SHISA6: variants seen among roughly 807,000 people sequenced by gnomAD.
SHISA6 encodes the protein protein shisa-6.
Under a neutral mutation model 47.9 loss-of-function variants are expected in SHISA6, and 22 were observed. That is an observed-to-expected ratio of 0.46 (90% CI 0.33 to 0.66). The LOEUF is 0.66. SHISA6 is among the 30% of genes least tolerant of loss of function. The probability of loss-of-function intolerance (pLI) is 0.02; values close to 1 mark genes in which losing one functional copy is unlikely to be tolerated. For synonymous variants in SHISA6, 388 were observed against 337.8 expected, an observed-to-expected ratio of 1.15 and a Z score of -1.63; for missense variants, 680 against 764.6, an observed-to-expected ratio of 0.89 and a Z score of 1.30.
chr17:11,386,751 G>A (rs1913208377), intron 3 of SHISA6, among the ~76,000 whole-genome samples: 1 of 152,220 alleles, frequency 6.6e-6, no homozygotes, highest in African/African-American at 2.4e-5. Context: ...GGCCACATAT[G>A]ACAGATAGGC....
intron 1 of SHISA6, among the ~76,000 whole-genome samples, chr17:11,259,123 G>A (rs1908131690): frequency 6.6e-6 from 1 of 151,986 alleles, no homozygotes; most frequent in Admixed American, 6.6e-5. Context: ...GGAGGTGACT[G>A]GATGGTTGGG....
At chr17:11,423,257 T>TATA (rs1914504627) in intron 3 of SHISA6, among the ~76,000 whole-genome samples, 1 of 134,602 alleles carries the variant, frequency 7.4e-6, no homozygotes, top group East Asian at 2.0e-4. Flanking sequence ...ATATATATAA[T>TATA]ATATATATAT....
At chr17:11,364,284 TA>T (rs1346642983) in intron 2 of SHISA6, among the ~76,000 whole-genome samples, 3 of 152,210 alleles carry the variant, frequency 2.0e-5, no homozygotes, top group Admixed American at 1.3e-4. Context: ...AGTCTAAATT[TA>T]ACCCCCAGAG....
intron 2 of SHISA6, among the ~76,000 whole-genome samples, chr17:11,278,435 G>C (rs1055655071): frequency 6.6e-6 from 1 of 152,214 alleles, no homozygotes; most frequent in African/African-American, 2.4e-5. Flanking sequence ...CTCCTGTCCT[G>C]TGTCTCCTCG....
Position 11,559,729 on chromosome 17 carries a change from T to C in SHISA6, c.*1425T>C, listed in dbSNP as rs1203156397. 6.6e-6 allele frequency: 1 copy of C among 152,328 alleles called. No homozygotes were observed. The highest frequency in any genetic ancestry group is 2.4e-5 in the African/African-American group (1 of 41,452). 9.4% of individuals were successfully genotyped at this position (152,328 alleles called of 1,614,324 possible). The stretch of plus-strand genomic sequence containing the variant: ...AGGCACTGGGGTACCTGGTAGACCA[T>C]GGTCCTCAGCTCTGTTGGGGGACCG... On this transcript the variant is annotated 3_prime_UTR_variant, in exon 6 of 6. Transcript: ENST00000441885. The surrounding 1 kb of genome is among the most constrained non-coding windows in gnomAD (Gnocchi z 4.4).
At chr17:11,364,823 A>T (rs1354134961) in intron 2 of SHISA6, among the ~76,000 whole-genome samples, 1 of 152,232 alleles carries the variant, frequency 6.6e-6, no homozygotes, top group Non-Finnish European at 1.5e-5. Flanking sequence ...CCAGCAGTGT[A>T]TGAGAGTTCC....
intron 2 of SHISA6, among the ~76,000 whole-genome samples, chr17:11,271,838 G>A (rs1000431841): frequency 2.0e-5 from 3 of 151,840 alleles, no homozygotes; most frequent in African/African-American, 7.3e-5. Flanking sequence ...ATCTGTTCCT[G>A]GTCCACAGAA....
At chr17:11,314,135 T>G (rs750044336) in intron 2 of SHISA6, among the ~76,000 whole-genome samples, 17 of 152,160 alleles carry the variant, frequency 1.1e-4, no homozygotes, top group Non-Finnish European at 1.2e-4. Flanking sequence ...GTTTCTTTAT[T>G]GGTTTTTAGG....
intron 2 of SHISA6, among the ~76,000 whole-genome samples, chr17:11,305,997 A>G (rs1910096894): frequency 6.6e-6 from 1 of 152,088 alleles, no homozygotes. Flanking sequence ...TCTTCTTACA[A>G]ACAGGACATC....
At chr17:11,510,248 C>T (rs2071531288) in intron 3 of SHISA6, among the ~76,000 whole-genome samples, 1 of 152,138 alleles carries the variant, frequency 6.6e-6, no homozygotes, top group Non-Finnish European at 1.5e-5. Context: ...CCTCTGATGC[C>T]TAACCACTCG....
intron 2 of SHISA6, among the ~76,000 whole-genome samples, chr17:11,307,181 T>C (rs1267016262): frequency 6.6e-6 from 1 of 151,834 alleles, no homozygotes; most frequent in Non-Finnish European, 1.5e-5. Context: ...TATTATACTT[T>C]AAGTTTTAGG....
intron 3 of SHISA6, among the ~76,000 whole-genome samples, chr17:11,409,433 C>G (rs564940286): frequency 3.9e-5 from 6 of 152,040 alleles, no homozygotes; most frequent in African/African-American, 1.4e-4. Context: ...AAGACAGTGT[C>G]GGGCCAGGAG....
chr17:11,390,520 TAA>T (rs1004504770), intron 3 of SHISA6, among the ~76,000 whole-genome samples: 1 of 152,186 alleles, frequency 6.6e-6, no homozygotes, highest in African/African-American at 2.4e-5. Flanking sequence ...CCAAACCTAC[TAA>T]ATCAGAATCA....
intron 2 of SHISA6, among the ~76,000 whole-genome samples, chr17:11,320,683 G>A (rs1262874013): frequency 6.6e-6 from 1 of 151,570 alleles, no homozygotes; most frequent in Non-Finnish European, 1.5e-5. Flanking sequence ...GAGAGAGAGA[G>A]AGAGAGAAGA....
At chr17:11,356,793 T>C (rs1052834736) in intron 2 of SHISA6, among the ~76,000 whole-genome samples, 2 of 152,108 alleles carry the variant, frequency 1.3e-5, no homozygotes, top group Non-Finnish European at 1.5e-5. Flanking sequence ...GTTAATATTT[T>C]TCCTTTCCTC....
chr17:11,282,267 C>T (rs905991183), intron 2 of SHISA6, among the ~76,000 whole-genome samples: 3 of 152,184 alleles, frequency 2.0e-5, no homozygotes, highest in African/African-American at 4.8e-5. Flanking sequence ...TTCTCTTATT[C>T]ACTTGTTGCC....
intron 3 of SHISA6, among the ~76,000 whole-genome samples, chr17:11,470,167 T>C (rs1915902882): frequency 6.6e-6 from 1 of 152,154 alleles, no homozygotes; most frequent in South Asian, 2.1e-4. Flanking sequence ...TAAATATCTG[T>C]TGTTTAGGCC....
At chr17:11,530,028 C>A (rs1353365915) in intron 3 of SHISA6, among the ~76,000 whole-genome samples, 2 of 152,026 alleles carry the variant, frequency 1.3e-5, no homozygotes. Context: ...AAAAAAAACA[C>A]CTAGTGCTGC....
intron 1 of SHISA6, among the ~76,000 whole-genome samples, chr17:11,259,801 A>C (rs1908156527): frequency 6.6e-6 from 1 of 152,248 alleles, no homozygotes; most frequent in African/African-American, 2.4e-5. Flanking sequence ...GGGACCAGGA[A>C]GACTCATTAA....
Sources: gnomAD v4.1 joint callset for allele counts (sites outside exome capture counted in the v4.1 genomes callset) on GRCh38, gnomAD v4.1.1 for gene constraint, Gnocchi (gnomAD v3.1) non-coding constraint, MANE v1.5 for transcripts, NCBI Gene and HGNC (gene_info 2026-07-23, HGNC 2026-07-21) for gene names.